Variants in PTPRK observed in about 807,000 individuals in gnomAD.
PTPRK encodes receptor-type tyrosine-protein phosphatase kappa.
A neutral mutation model predicts 178.0 loss-of-function variants in PTPRK; 75 were observed. The ratio of observed to expected loss-of-function variants is 0.42; its 90% CI spans 0.35 to 0.51. The LOEUF (loss-of-function observed/expected upper bound fraction) is 0.51. Among genes scored for constraint, PTPRK ranks in the 20% least tolerant of loss-of-function variants. PTPRK has a pLI of 0.02. For missense variants in PTPRK, 1,441 were observed against 1,797.8 expected, an observed-to-expected ratio of 0.80 and a Z score of 3.59; for synonymous variants, 637 against 620.6, an observed-to-expected ratio of 1.03 and a Z score of -0.39.
intron 3 of PTPRK, among the ~76,000 whole-genome samples, chr6:128,314,040 T>C (rs1397926314): frequency 2.6e-5 from 4 of 152,116 alleles, no homozygotes; most frequent in Non-Finnish European, 5.9e-5. Context: ...CAATGCCAAT[T>C]TCCTTCCATA....
chr6:128,096,482 G>C (rs1242606984), intron 7 of PTPRK, among the ~76,000 whole-genome samples: 1 of 152,142 alleles, frequency 6.6e-6, no homozygotes. Flanking sequence ...TGAAAGAGTT[G>C]TGAAAACAAA....
chr6:128,023,007 T>A (rs1266359179), intron 13 of PTPRK, among the ~76,000 whole-genome samples: 1 of 152,090 alleles, frequency 6.6e-6, no homozygotes, highest in Non-Finnish European at 1.5e-5. Flanking sequence ...CATTACAAAA[T>A]CCCATCCTCA....
At chr6:128,305,109 G>C (rs1480706682) in intron 3 of PTPRK, among the ~76,000 whole-genome samples, 3 of 152,068 alleles carry the variant, frequency 2.0e-5, no homozygotes, top group African/African-American at 7.2e-5. Flanking sequence ...TGAAAAAGAA[G>C]ACAAGAAAGA....
At chr6:128,323,862 G>T (rs1584157192) in intron 2 of PTPRK, among the ~76,000 whole-genome samples, 1 of 151,346 alleles carries the variant, frequency 6.6e-6, no homozygotes, top group East Asian at 1.9e-4. Flanking sequence ...TTCTTTCTGA[G>T]TCTCACAGAC....
rs867683329 is a variant in PTPRK at position 128,380,870 on chromosome 6, T to G, written c.223+16696A>C. Reference sequence around the variant, plus strand: ...ATCTGAAAACAGGTTAAAAAATTACTCAAATATGTAGAATCCAAGTAAGTA... The same window carrying G: ...ATCTGAAAACAGGTTAAAAAATTACGCAAATATGTAGAATCCAAGTAAGTA... On this transcript the variant is annotated intron_variant, in intron 2 of 29. Coordinates refer to ENST00000368226, the MANE Select transcript of PTPRK (RefSeq NM_002844.4). Among the ~76,000 whole-genome samples, 16 of 152,296 alleles carry G rather than the reference T, an allele frequency of 1.1e-4. 2 individuals carry two copies. The Middle Eastern group carries it at 0.027, about 259-fold the overall frequency.
intron 7 of PTPRK, among the ~76,000 whole-genome samples, chr6:128,140,858 A>C (rs2114508812): frequency 6.6e-6 from 1 of 152,102 alleles, no homozygotes; most frequent in South Asian, 2.1e-4. Flanking sequence ...ATATCCCTTA[A>C]ATGTGGAGGA....
chr6:128,094,660 C>G (rs1482161184), intron 7 of PTPRK, among the ~76,000 whole-genome samples: 1 of 152,040 alleles, frequency 6.6e-6, no homozygotes, highest in East Asian at 1.9e-4. Context: ...TTGACAATGT[C>G]CCTAGCTGGG....
chr6:128,452,060 T>C (rs986600576), intron 1 of PTPRK, among the ~76,000 whole-genome samples: 2 of 152,196 alleles, frequency 1.3e-5, no homozygotes, highest in African/African-American at 4.8e-5. Flanking sequence ...TAAAAAGATA[T>C]GCTAGTCATT....
chr6:128,499,159 TA>T (rs1031132895), intron 1 of PTPRK, among the ~76,000 whole-genome samples: 34 of 145,118 alleles, frequency 2.3e-4, no homozygotes, highest in East Asian at 1.2e-3. Context: ...GAAAAGTAAA[TA>T]AAAAAAAAAC....
chr6:128,060,801 T>G (rs1780676534), intron 13 of PTPRK, among the ~76,000 whole-genome samples: 1 of 152,178 alleles, frequency 6.6e-6, no homozygotes, highest in Non-Finnish European at 1.5e-5. Context: ...GCAAAAGTAT[T>G]CTATATTAGA....
intron 13 of PTPRK, among the ~76,000 whole-genome samples, chr6:128,046,203 C>G (rs1344767633): frequency 1.3e-5 from 2 of 152,108 alleles, no homozygotes; most frequent in Non-Finnish European, 2.9e-5. Context: ...TACTAATATA[C>G]TTTTCTGTAA....
chr6:128,457,846 T>G (rs773737631), intron 1 of PTPRK, among the ~76,000 whole-genome samples: 11 of 152,178 alleles, frequency 7.2e-5, no homozygotes, highest in Non-Finnish European at 1.6e-4. Context: ...CATAAGGTAC[T>G]GTCATTTGGA....
chr6:128,132,269 G>T (rs1794365013), intron 7 of PTPRK, among the ~76,000 whole-genome samples: 1 of 152,166 alleles, frequency 6.6e-6, no homozygotes, highest in Non-Finnish European at 1.5e-5. Context: ...CCGCCTGCCG[G>T]GTTCATGCCA....
At position 128,290,621 on chromosome 6, in the gene PTPRK, A is replaced by G. The variant is rs183013325; in HGVS notation, c.495+31418T>C. On this transcript the variant is annotated intron_variant, in intron 3 of 29. Transcript: ENST00000368226. Reference sequence around the variant, plus strand: ...TTAGGGGAACAGGGGCCAGTTCTCTAGGATAGAGAACTGGAGCTGCTTTAA... The same window carrying G: ...TTAGGGGAACAGGGGCCAGTTCTCTGGGATAGAGAACTGGAGCTGCTTTAA... 1.4e-4 allele frequency among the ~76,000 whole-genome samples: 21 copies of G among 152,164 alleles called. 1 individual carries two copies. Among genetic ancestry groups the G allele is most frequent in the African/African-American group, 4.8e-4 (20 of 41,556 alleles).
intron 7 of PTPRK, among the ~76,000 whole-genome samples, chr6:128,141,902 G>A (rs1795820154): frequency 6.6e-6 from 1 of 151,804 alleles, no homozygotes; most frequent in Non-Finnish European, 1.5e-5. Context: ...TTATAAGACT[G>A]TTCGTTTTTA....
intron 7 of PTPRK, among the ~76,000 whole-genome samples, chr6:128,124,954 C>T (rs960980476): frequency 2.6e-5 from 4 of 152,204 alleles, no homozygotes; most frequent in Non-Finnish European, 5.9e-5. Flanking sequence ...GGCTGCCAGC[C>T]TTCTAACTAG....
At chr6:128,182,660 T>C (rs1802102599) in intron 7 of PTPRK, among the ~76,000 whole-genome samples, 1 of 152,126 alleles carries the variant, frequency 6.6e-6, no homozygotes, top group African/African-American at 2.4e-5. Flanking sequence ...CACTTTATAG[T>C]AATATTTTTA....
At chr6:128,412,424 G>A (rs890384697) in intron 1 of PTPRK, among the ~76,000 whole-genome samples, 3 of 152,162 alleles carry the variant, frequency 2.0e-5, no homozygotes, top group Non-Finnish European at 4.4e-5. Flanking sequence ...TTTGTTCAAG[G>A]TCTCATTGCT....
intron 6 of PTPRK, among the ~76,000 whole-genome samples, chr6:128,189,156 A>C (rs568768642): frequency 1.3e-5 from 2 of 151,992 alleles, no homozygotes; most frequent in African/African-American, 4.8e-5. Context: ...TTCACCTACA[A>C]AAGTTTCTGA....
Sources: gnomAD v4.1 joint callset for allele counts (sites outside exome capture counted in the v4.1 genomes callset) on GRCh38, gnomAD v4.1.1 for gene constraint, MANE v1.5 for transcripts, NCBI Gene and HGNC (gene_info 2026-07-23, HGNC 2026-07-21) for gene names.